The following TNKS variants were observed in gnomAD, a reference collection of about 807,000 sequenced individuals.
The protein encoded by TNKS is poly [ADP-ribose] polymerase tankyrase-1.
TNKS carries 72 observed loss-of-function variants against 135.8 expected under a neutral mutation model. The observed-to-expected ratio is 0.53, with a 90% confidence interval of 0.44 to 0.64. The LOEUF (loss-of-function observed/expected upper bound fraction) is 0.64, where lower values mean the gene tolerates loss of function less well. Among genes scored for constraint, TNKS ranks in the 30% least tolerant of loss-of-function variants. The probability of loss-of-function intolerance (pLI) is 0.00; values close to 1 mark genes in which losing one functional copy is unlikely to be tolerated. For missense variants in TNKS, 1,769 were observed against 1,674.0 expected, an observed-to-expected ratio of 1.06 and a Z score of -0.99; for synonymous variants, 849 against 649.3, an observed-to-expected ratio of 1.31 and a Z score of -4.68.
At chr8:9,652,151 C>T (rs1801170256) in intron 3 of TNKS, among the ~76,000 whole-genome samples, 1 of 152,160 alleles carries the variant, frequency 6.6e-6, no homozygotes, top group Admixed American at 6.5e-5. Flanking sequence ...CAATAGGTCA[C>T]CAGCTAGAAT....
rs1262112904 is a variant in TNKS at position 9,641,244 on chromosome 8, G to T, written c.994+25567G>T. ...TCCCCAGCATTTAGGAGTTGAATGT[G>T]TTGTTAACTTTTTATATATGCATAT... On this transcript the variant is annotated intron_variant, in intron 3 of 26. Coordinates refer to ENST00000310430, the MANE Select transcript of TNKS (RefSeq NM_003747.3). Among the ~76,000 whole-genome samples the T allele has an allele frequency of 1.4e-5, 2 of 142,236 alleles. 1 individual carries two copies. Among genetic ancestry groups the T allele is most frequent in the African/African-American group, 5.2e-5 (2 of 38,268 alleles). 93.3% of individuals were successfully genotyped at this position (142,236 alleles called of 152,430 possible).
Position 9,599,440 on chromosome 8 carries a change from GT to G in TNKS, c.899-16141del, listed in dbSNP as rs1277058519. ...ATGAAAGAGGAAATTAAGATTGGCA[GT>G]GGTGAAGTAACTTGCCCAAGGTCAG... On this transcript the variant is annotated intron_variant, in intron 2 of 26. Coordinates refer to ENST00000310430, the MANE Select transcript of TNKS (RefSeq NM_003747.3). 3.3e-5 allele frequency among the ~76,000 whole-genome samples: 5 copies of G among 152,346 alleles called. No homozygotes were observed. In the East Asian group the frequency reaches 9.6e-4, roughly 29 times the overall value.
chr8:9,765,377 C>T (rs1221144168), intron 23 of TNKS, among the ~76,000 whole-genome samples: 4 of 151,878 alleles, frequency 2.6e-5, no homozygotes, highest in African/African-American at 4.8e-5. Flanking sequence ...ATTTACAGAT[C>T]CCCATCTCCT....
At chr8:9,594,350 C>G (rs975577340) in intron 2 of TNKS, among the ~76,000 whole-genome samples, 1 of 152,006 alleles carries the variant, frequency 6.6e-6, no homozygotes, top group African/African-American at 2.4e-5. Flanking sequence ...TTGCATGGTC[C>G]AGTGTGATAG....
At chr8:9,714,330 CTTT>C (rs34419756) in intron 11 of TNKS, among the ~76,000 whole-genome samples, 3 of 147,000 alleles carry the variant, frequency 2.0e-5, no homozygotes, top group Non-Finnish European at 3.0e-5. Context: ...GCCCTACAGG[CTTT>C]TTTTTTTTTT....
At chr8:9,638,290 C>T (rs1800591279) in intron 3 of TNKS, among the ~76,000 whole-genome samples, 1 of 152,170 alleles carries the variant, frequency 6.6e-6, no homozygotes, top group South Asian at 2.1e-4. Context: ...TCTTATATTT[C>T]CCTGTGTTTG....
chr8:9,766,335 A>G lies in TNKS; in HGVS notation c.3650A>G (p.Asn1217Ser). ...GGGGCCGGGATTTATTTTGCTGAAA[A>G]CTCCTCAAAAAGCAACCAATATGTT... ...MFGAGIYFAE[N>S]SSKSNQYVYG... Residue 1217 changes from asparagine (N) to serine (S), a missense_variant, in exon 25 of 27, where the codon AAC (asparagine) becomes AGC (serine). Asn to Ser is a conservative substitution (Grantham distance 46, BLOSUM62 1). Around this residue, in one of 5 missense-constraint regions of TNKS, gnomAD observed 722 missense variants for 688.9 expected, o/e 1.05. Transcript: ENST00000310430. 1 of 1,612,852 alleles carries G rather than the reference A, an allele frequency of 6.2e-7. No individual in the cohort carries two copies. Among genetic ancestry groups the G allele is most frequent in the Non-Finnish European group, 8.5e-7 (1 of 1,179,564 alleles).
intron 3 of TNKS, among the ~76,000 whole-genome samples, chr8:9,659,182 A>G (rs975955158): frequency 6.6e-6 from 1 of 152,232 alleles, no homozygotes; most frequent in Non-Finnish European, 1.5e-5. Context: ...TCAAGAAGAC[A>G]GAAAGTTAAC....
At chr8:9,588,527 C>T (rs924492274) in intron 2 of TNKS, among the ~76,000 whole-genome samples, 14 of 152,162 alleles carry the variant, frequency 9.2e-5, no homozygotes, top group East Asian at 3.9e-4. Flanking sequence ...CCGCCCACCT[C>T]GGCGTTCCAA....
At chr8:9,557,037 CAT>C (rs1435238525) in intron 1 of TNKS, 1 of 244,150 alleles carries the variant, frequency 4.1e-6, no homozygotes, top group East Asian at 8.3e-5. Context: ...CAACCCAACA[CAT>C]GTTTGAGGAT....
chr8:9,575,433 T>A (rs1200258153), intron 1 of TNKS: 6 of 984,998 alleles, frequency 6.1e-6, no homozygotes, highest in Non-Finnish European at 7.2e-6. Context: ...ATATCTAGAC[T>A]TATTCTAAAG....
chr8:9,753,262 A>G (rs1034319075), intron 20 of TNKS, among the ~76,000 whole-genome samples: 1 of 152,102 alleles, frequency 6.6e-6, no homozygotes, highest in African/African-American at 2.4e-5. Context: ...TATTCATCTC[A>G]TTTCATTATT....
chr8:9,575,001 G>A, intron 1 of TNKS: 5 of 982,702 alleles, frequency 5.1e-6, no homozygotes, highest in Non-Finnish European at 3.6e-6. Context: ...ATTCTAAGGA[G>A]CTCCTAATAC....
chr8:9,741,395 A>G (rs1333110836), intron 17 of TNKS, among the ~76,000 whole-genome samples: 1 of 152,166 alleles, frequency 6.6e-6, no homozygotes, highest in Admixed American at 6.5e-5. Context: ...TGTGTAGACT[A>G]CAGTAGATCC....
At chr8:9,677,018 G>C (rs1168974628) in intron 3 of TNKS, among the ~76,000 whole-genome samples, 1 of 152,178 alleles carries the variant, frequency 6.6e-6, no homozygotes, top group Admixed American at 6.5e-5. Flanking sequence ...CAGCTAAGAT[G>C]AAAGAGAACT....
chr8:9,636,218 A>G (rs1459406786), intron 3 of TNKS, among the ~76,000 whole-genome samples: 1 of 152,200 alleles, frequency 6.6e-6, no homozygotes, highest in Non-Finnish European at 1.5e-5. Flanking sequence ...GATGGAGGAT[A>G]TGGAGGAGCC....
At chr8:9,623,325 C>A (rs563518508) in intron 3 of TNKS, among the ~76,000 whole-genome samples, 77 of 152,152 alleles carry the variant, frequency 5.1e-4, no homozygotes, top group African/African-American at 1.8e-3. Context: ...GTCAATAGAC[C>A]TTAAGTTAGT....
In TNKS at chr8:9,730,833, C is replaced by T. The variant is rs910518025; in HGVS notation, c.2002-57C>T. On this transcript the variant is annotated intron_variant, in intron 13 of 26. Coordinates refer to ENST00000310430, the MANE Select transcript of TNKS (RefSeq NM_003747.3). ...ATGTTGAACTATTTTGGGGCAAAAC[C>T]TGTGAATAAAGAGTAATGTTCGTTT... The T allele has an allele frequency of 4.5e-6, 7 of 1,557,322 alleles. No homozygotes were observed. The African/African-American group carries it at 9.6e-5, about 21-fold the overall frequency.
rs369239352 is a variant in TNKS, at chr8:9,776,772, A to G, written c.*36A>G. The G allele has an allele frequency of 1.4e-4, 221 of 1,579,590 alleles. No homozygotes were observed. The highest frequency in any genetic ancestry group is 1.7e-4 in the Non-Finnish European group (194 of 1,149,008). On this transcript the variant is annotated 3_prime_UTR_variant, in exon 27 of 27. Coordinates refer to ENST00000310430, the MANE Select transcript of TNKS (RefSeq NM_003747.3). Reference sequence around the variant, plus strand: ...CTGGTGAAGGCCAGATCAGATTTCAACCTGGGACTGGATTACAGAGGATTG... The same window carrying G: ...CTGGTGAAGGCCAGATCAGATTTCAGCCTGGGACTGGATTACAGAGGATTG...
Sources: gnomAD v4.1 joint callset for allele counts (sites outside exome capture counted in the v4.1 genomes callset) on GRCh38, gnomAD v4.1.1 for gene constraint, gnomAD v4.1.1 regional missense constraint, MANE v1.5 for transcripts, NCBI Gene and HGNC (gene_info 2026-07-23, HGNC 2026-07-21) for gene names.